The following CADPS2 variants were observed in gnomAD, a reference collection of about 807,000 sequenced individuals.
CADPS2 encodes calcium dependent secretion activator 2, also known as calcium-dependent secretion activator 2.
A neutral mutation model predicts 172.5 loss-of-function variants in CADPS2; 93 were observed. The ratio of observed to expected loss-of-function variants is 0.54; its 90% CI spans 0.46 to 0.64. The LOEUF (loss-of-function observed/expected upper bound fraction) is 0.64. Among genes scored for constraint, CADPS2 ranks in the 30% least tolerant of loss-of-function variants. The pLI is 0.00. For missense variants in CADPS2, 1,420 were observed against 1,565.9 expected (o/e 0.91, Z 1.57); for synonymous variants, 546 against 555.2 (o/e 0.98, Z 0.23).
chr7:122,367,710 ATTTTTTTTTTT>A (rs57790964), intron 25 of CADPS2, among the ~76,000 whole-genome samples: 43 of 60,144 alleles, frequency 7.1e-4, no homozygotes, highest in East Asian at 8.7e-4. Flanking sequence ...TGCCCAGCTA[ATTTTTTTTTTT>A]TTTTTTTTTT....
chr7:122,366,694 T>C, intron 25 of CADPS2: 1 of 147,784 alleles, frequency 6.8e-6, no homozygotes, highest in East Asian at 2.0e-4. Flanking sequence ...CGTATATATA[T>C]ATATACGTAT....
At chr7:122,832,802 T>C (rs1806992596) in intron 1 of CADPS2, among the ~76,000 whole-genome samples, 2 of 152,248 alleles carry the variant, frequency 1.3e-5, no homozygotes. Context: ...GTAAGATCCA[T>C]GCAAGTATCA....
intron 7 of CADPS2, among the ~76,000 whole-genome samples, chr7:122,569,660 CATGGTACTGGTACCAAAACAGAGAT>C (rs2066942180): frequency 7.1e-6 from 1 of 141,446 alleles, no homozygotes; most frequent in South Asian, 2.3e-4. Context: ...ACCAAAACAG[CATGGTACTGGTACCAAAACAGAGAT>C]ATAGATCAAT....
chr7:122,603,958 C>A (rs2073146436), intron 6 of CADPS2, among the ~76,000 whole-genome samples: 2 of 152,024 alleles, frequency 1.3e-5, no homozygotes. Flanking sequence ...GTTCTAAGAA[C>A]TCTGTACAAC....
chr7:122,612,128 T>C (rs2133802545), intron 6 of CADPS2, among the ~76,000 whole-genome samples: 1 of 152,042 alleles, frequency 6.6e-6, no homozygotes, highest in East Asian at 1.9e-4. Context: ...GATTATATGC[T>C]TCCCCCCTGT....
chr7:122,835,013 G>A (rs1322643133), intron 1 of CADPS2, among the ~76,000 whole-genome samples: 1 of 152,176 alleles, frequency 6.6e-6, no homozygotes, highest in South Asian at 2.1e-4. Context: ...CGCCCGAGTA[G>A]CCTAATGGGG....
At chr7:122,325,041 A>G (rs1013400960) in intron 29 of CADPS2, among the ~76,000 whole-genome samples, 5 of 152,084 alleles carry the variant, frequency 3.3e-5, no homozygotes, top group South Asian at 2.1e-4. Context: ...ATGACAATGT[A>G]TTACTTTCGT....
At chr7:122,603,460 G>GA (rs11451995) in intron 6 of CADPS2, among the ~76,000 whole-genome samples, 72,235 of 147,794 alleles carry the variant, frequency 0.49, 17,792 homozygotes, top group African/African-American at 0.61. Flanking sequence ...TACATGAGCA[G>GA]AAAAAAAAAA....
At chr7:122,644,171 C>T (rs1040875159) in intron 3 of CADPS2, among the ~76,000 whole-genome samples, 9 of 152,204 alleles carry the variant, frequency 5.9e-5, no homozygotes, top group Non-Finnish European at 1.2e-4. Context: ...GACCACCAAA[C>T]ATCAAACACT....
chr7:122,594,095 A>T (rs1554648849), intron 6 of CADPS2, among the ~76,000 whole-genome samples: 1 of 152,014 alleles, frequency 6.6e-6, no homozygotes, highest in Non-Finnish European at 1.5e-5. Context: ...ACTGAATAAA[A>T]TTTTTTATTA....
intron 8 of CADPS2, among the ~76,000 whole-genome samples, chr7:122,551,003 C>A (rs1349496478): frequency 6.6e-6 from 1 of 151,930 alleles, no homozygotes; most frequent in East Asian, 1.9e-4. Flanking sequence ...TTATTTGATC[C>A]AAATTAAATA....
chr7:122,846,441 C>T (rs1812011736), intron 1 of CADPS2, among the ~76,000 whole-genome samples: 1 of 152,096 alleles, frequency 6.6e-6, no homozygotes, highest in Non-Finnish European at 1.5e-5. Flanking sequence ...TGGTTAGCTA[C>T]AAAAGTGGTG....
intron 2 of CADPS2, among the ~76,000 whole-genome samples, chr7:122,712,855 CCT>C (rs1176868869): frequency 1.3e-5 from 2 of 152,094 alleles, no homozygotes; most frequent in East Asian, 3.9e-4. Flanking sequence ...CTCTCTCAAG[CCT>C]CTTTTATAAG....
chr7:122,735,520 G>A (rs921887028), intron 2 of CADPS2, among the ~76,000 whole-genome samples: 10 of 151,990 alleles, frequency 6.6e-5, no homozygotes, highest in African/African-American at 2.2e-4. Flanking sequence ...TCTGTATTCT[G>A]TTGAAATGTG....
At chr7:122,717,642 C>T (rs1223107147) in intron 2 of CADPS2, among the ~76,000 whole-genome samples, 1 of 152,138 alleles carries the variant, frequency 6.6e-6, no homozygotes, top group Non-Finnish European at 1.5e-5. Context: ...ATACAACCTG[C>T]AGCAACCGAA....
At chr7:122,789,996 T>A (rs374017442) in intron 1 of CADPS2, among the ~76,000 whole-genome samples, 1 of 149,324 alleles carries the variant, frequency 6.7e-6, no homozygotes, top group East Asian at 1.9e-4. Flanking sequence ...ATTCTACATG[T>A]TCACATAAGA....
intron 8 of CADPS2, among the ~76,000 whole-genome samples, chr7:122,544,258 C>T (rs1235464450): frequency 2.0e-5 from 3 of 151,970 alleles, no homozygotes; most frequent in South Asian, 4.2e-4. Context: ...TATATATGCA[C>T]AAATAAATGT....
intron 3 of CADPS2, among the ~76,000 whole-genome samples, chr7:122,637,626 T>C (rs985655939): frequency 6.6e-6 from 1 of 152,238 alleles, no homozygotes; most frequent in Non-Finnish European, 1.5e-5. Context: ...TTGATGAGCT[T>C]TGTTGCTACC....
At chr7:122,871,089 C>T (rs1247629984) in intron 1 of CADPS2, among the ~76,000 whole-genome samples, 2 of 151,048 alleles carry the variant, frequency 1.3e-5, no homozygotes, top group African/African-American at 4.9e-5. Flanking sequence ...ATCTTTACTG[C>T]AGATAGGGTC....
Sources: allele counts gnomAD v4.1 joint callset (sites outside exome capture counted in the v4.1 genomes callset), GRCh38; gene constraint gnomAD v4.1.1; transcripts MANE v1.5; gene names NCBI Gene and HGNC (gene_info 2026-07-23, HGNC 2026-07-21).